FUT9: variants seen among roughly 807,000 people sequenced by gnomAD.
FUT9 encodes fucosyltransferase 9.
Under a neutral mutation model 29.7 loss-of-function variants are expected in FUT9, and 15 were observed. That is an observed-to-expected ratio of 0.51 (90% CI 0.34 to 0.78). The LOEUF is 0.78. FUT9 is among the 30% of genes least tolerant of loss of function. The probability of loss-of-function intolerance (pLI) is 0.01; values close to 1 mark genes in which losing one functional copy is unlikely to be tolerated. For synonymous variants in FUT9, 169 were observed against 153.7 expected, an observed-to-expected ratio of 1.10 and a Z score of -0.74; for missense variants, 319 against 425.4, an observed-to-expected ratio of 0.75 and a Z score of 2.20.
rs968353846 is a variant in FUT9 at position 96,068,151 on chromosome 6, G to A, written c.-97-45888G>A. On this transcript the variant is annotated intron_variant, in intron 1 of 2. Transcript: ENST00000302103. Reference sequence around the variant, plus strand: ...CAGATAGAAGTGACAAGTTTGAAATGCAGTTCTGGAAAGAGGGGACAGCTA... The same window carrying A: ...CAGATAGAAGTGACAAGTTTGAAATACAGTTCTGGAAAGAGGGGACAGCTA... 5.3e-5 allele frequency among the ~76,000 whole-genome samples: 8 copies of A among 152,238 alleles called. No individual in the cohort carries two copies. The South Asian group carries it at 1.7e-3, about 32-fold the overall frequency.
At chr6:96,093,534 T>A (rs1240980693) in intron 1 of FUT9, among the ~76,000 whole-genome samples, 1 of 152,112 alleles carries the variant, frequency 6.6e-6, no homozygotes, top group Non-Finnish European at 1.5e-5. Context: ...TATCAACATA[T>A]GTTAAGAAAT....
At chr6:96,068,096 T>A (rs1770993675) in intron 1 of FUT9, among the ~76,000 whole-genome samples, 1 of 152,148 alleles carries the variant, frequency 6.6e-6, no homozygotes, top group South Asian at 2.1e-4. Flanking sequence ...ATATAATGAA[T>A]CCAACTTTGG....
chr6:96,180,485 T>G (rs1482022951), intron 2 of FUT9, among the ~76,000 whole-genome samples: 1 of 152,124 alleles, frequency 6.6e-6, no homozygotes, highest in African/African-American at 2.4e-5. Flanking sequence ...ATTTTTTAAA[T>G]GTAAGTGAAG....
At chr6:96,083,735 A>G (rs1771274850) in intron 1 of FUT9, among the ~76,000 whole-genome samples, 1 of 152,106 alleles carries the variant, frequency 6.6e-6, no homozygotes, top group African/African-American at 2.4e-5. Flanking sequence ...CTCCACATTA[A>G]AAAGAAATAA....
intron 2 of FUT9, among the ~76,000 whole-genome samples, chr6:96,146,839 T>C (rs577198615): frequency 4.0e-4 from 61 of 152,264 alleles, no homozygotes; most frequent in African/African-American, 1.4e-3. Flanking sequence ...CAAGCCAAGG[T>C]TTTATTGCTG....
intron 1 of FUT9, among the ~76,000 whole-genome samples, chr6:96,020,162 G>T (rs2127920552): frequency 6.6e-6 from 1 of 152,038 alleles, no homozygotes; most frequent in African/African-American, 2.4e-5. Context: ...ACTGCAACTA[G>T]CCCACCTAAA....
intron 2 of FUT9, among the ~76,000 whole-genome samples, chr6:96,120,109 T>G (rs2127964401): frequency 6.6e-6 from 1 of 152,238 alleles, no homozygotes; most frequent in African/African-American, 2.4e-5. Context: ...TCTACCATAT[T>G]TAATGTTCAG....
chr6:96,042,769 T>C (rs1004263001), intron 1 of FUT9, among the ~76,000 whole-genome samples: 21 of 152,186 alleles, frequency 1.4e-4, no homozygotes, highest in Admixed American at 9.8e-4. Flanking sequence ...TATTAACCCA[T>C]TGAATTCTCA....
chr6:96,140,266 T>G (rs1408919264), intron 2 of FUT9, among the ~76,000 whole-genome samples: 3 of 152,196 alleles, frequency 2.0e-5, no homozygotes. Context: ...TATTCAGCAT[T>G]TTGGCCAAAG....
chr6:96,047,274 C>T (rs1770580468), intron 1 of FUT9, among the ~76,000 whole-genome samples: 1 of 152,010 alleles, frequency 6.6e-6, no homozygotes, highest in African/African-American at 2.4e-5. Context: ...TATGTGTGAC[C>T]CTCTCAGGCC....
At chr6:96,080,913 G>A (rs1353132339) in intron 1 of FUT9, among the ~76,000 whole-genome samples, 1 of 151,880 alleles carries the variant, frequency 6.6e-6, no homozygotes. Context: ...TGAAGAATTA[G>A]CAACAACATG....
intron 2 of FUT9, among the ~76,000 whole-genome samples, chr6:96,132,987 C>T (rs924556391): frequency 4.0e-5 from 6 of 151,872 alleles, no homozygotes; most frequent in South Asian, 2.1e-4. Flanking sequence ...TGTTTGGTTA[C>T]ATGGATATGT....
intron 2 of FUT9, among the ~76,000 whole-genome samples, chr6:96,127,118 A>G (rs192999651): frequency 1.3e-5 from 2 of 152,292 alleles, no homozygotes; most frequent in Admixed American, 1.3e-4. Context: ...TTTGATGGAC[A>G]GATTATTTCT....
intron 2 of FUT9, among the ~76,000 whole-genome samples, chr6:96,188,124 T>C (rs1773437396): frequency 6.6e-6 from 1 of 152,116 alleles, no homozygotes; most frequent in Non-Finnish European, 1.5e-5. Flanking sequence ...CAGGGAAGTG[T>C]TGGTGAATCT....
At chr6:96,178,213 G>A (rs947905807) in intron 2 of FUT9, among the ~76,000 whole-genome samples, 1 of 152,088 alleles carries the variant, frequency 6.6e-6, no homozygotes, top group Non-Finnish European at 1.5e-5. Flanking sequence ...ATCCAGGCAC[G>A]ATTTTTCCCT....
intron 1 of FUT9, among the ~76,000 whole-genome samples, chr6:96,106,096 GCCTCTTACTA>G (rs112535611): frequency 0.14 from 21,128 of 152,096 alleles, 1,673 homozygotes; most frequent in Non-Finnish European, 0.16. Context: ...AGCCTGAACT[GCCTCTTACTA>G]CCCCTAGAGT....
intron 2 of FUT9, among the ~76,000 whole-genome samples, chr6:96,120,211 T>C (rs1279285685): frequency 1.3e-5 from 2 of 151,802 alleles, no homozygotes; most frequent in South Asian, 2.1e-4. Flanking sequence ...TTTGTTTTTG[T>C]TTAAAAGACT....
At chr6:96,186,619 C>T (rs943183133) in intron 2 of FUT9, among the ~76,000 whole-genome samples, 20 of 152,046 alleles carry the variant, frequency 1.3e-4, no homozygotes, top group African/African-American at 4.8e-4. Flanking sequence ...TTGGCTCACA[C>T]GATTATGACA....
chr6:96,150,556 C>A (rs1356554006), intron 2 of FUT9, among the ~76,000 whole-genome samples: 1 of 152,082 alleles, frequency 6.6e-6, no homozygotes, highest in Non-Finnish European at 1.5e-5. Flanking sequence ...AATGACAGAA[C>A]CAGAGCTGTG....
Sources: gnomAD v4.1 joint callset for allele counts (sites outside exome capture counted in the v4.1 genomes callset) on GRCh38, gnomAD v4.1.1 for gene constraint, MANE v1.5 for transcripts, NCBI Gene and HGNC (gene_info 2026-07-23, HGNC 2026-07-21) for gene names.